The following PLCB1 variants were observed in gnomAD, a reference collection of about 807,000 sequenced individuals.
PLCB1 encodes phospholipase C beta 1.
In PLCB1, 46 loss-of-function variants were observed where a neutral mutation model predicts 161.8. The ratio of observed to expected loss-of-function variants is 0.28; its 90% CI spans 0.22 to 0.36. PLCB1 has a LOEUF of 0.36. Among genes scored for constraint, PLCB1 ranks in the 10% least tolerant of loss-of-function variants. The pLI, the probability that PLCB1 is intolerant of heterozygous loss-of-function variation, is 1.00. For missense variants in PLCB1, 1,016 were observed against 1,472.5 expected (o/e 0.69, Z 5.07); for synonymous variants, 517 against 503.7 (o/e 1.03, Z -0.35).
chr20:8,677,988 A>G (rs1273050200), intron 9 of PLCB1, among the ~76,000 whole-genome samples: 5 of 152,234 alleles, frequency 3.3e-5, no homozygotes, highest in Non-Finnish European at 1.5e-5. Context: ...TAATCAATCT[A>G]GATTGGAGCA....
intron 2 of PLCB1, among the ~76,000 whole-genome samples, chr20:8,336,688 C>T (rs6086410): frequency 0.28 from 42,448 of 151,900 alleles, 6,166 homozygotes; most frequent in South Asian, 0.4. Context: ...GAAATAGATT[C>T]CTGTCTTGGG....
intron 10 of PLCB1, among the ~76,000 whole-genome samples, chr20:8,695,956 T>G (rs1443888944): frequency 6.6e-6 from 1 of 152,222 alleles, no homozygotes; most frequent in African/African-American, 2.4e-5. Flanking sequence ...GCCTTCATTA[T>G]AACAATTCTC....
intron 23 of PLCB1, among the ~76,000 whole-genome samples, chr20:8,755,129 AG>A (rs2123558221): frequency 6.6e-6 from 1 of 152,254 alleles, no homozygotes; most frequent in South Asian, 2.1e-4. Context: ...TCCAGCATTG[AG>A]TAGGGTGTAG....
intron 4 of PLCB1, among the ~76,000 whole-genome samples, chr20:8,641,914 G>A (rs1273309498): frequency 1.3e-5 from 2 of 152,090 alleles, no homozygotes; most frequent in Non-Finnish European, 2.9e-5. Flanking sequence ...GCTGCAGTTT[G>A]TCCAGTTTTT....
At chr20:8,428,304 T>G (rs1335214410) in intron 3 of PLCB1, among the ~76,000 whole-genome samples, 1 of 151,936 alleles carries the variant, frequency 6.6e-6, no homozygotes, top group Non-Finnish European at 1.5e-5. Flanking sequence ...CACTGCAACC[T>G]CTGTCTCCCG....
chr20:8,762,166 C>T (rs572184706), intron 25 of PLCB1, among the ~76,000 whole-genome samples: 21 of 152,190 alleles, frequency 1.4e-4, no homozygotes, highest in East Asian at 5.9e-4. Context: ...GCCAAGGTTG[C>T]GCCATTGCAC....
At chr20:8,720,150 G>A (rs6086562) in intron 14 of PLCB1, among the ~76,000 whole-genome samples, 2 of 152,184 alleles carry the variant, frequency 1.3e-5, no homozygotes, top group African/African-American at 2.4e-5. Flanking sequence ...AACTCTATCC[G>A]TTGAATGATA....
At chr20:8,639,669 A>G (rs1203930446) in intron 4 of PLCB1, among the ~76,000 whole-genome samples, 2 of 152,174 alleles carry the variant, frequency 1.3e-5, no homozygotes, top group South Asian at 4.1e-4. Flanking sequence ...TCAGTTGAAC[A>G]TATTATTGGC....
chr20:8,185,023 T>C (rs2051888145), intron 2 of PLCB1, among the ~76,000 whole-genome samples: 1 of 151,938 alleles, frequency 6.6e-6, no homozygotes, highest in Non-Finnish European at 1.5e-5. Context: ...CCCCCACTTA[T>C]GAGTGAGAAC....
intron 2 of PLCB1, among the ~76,000 whole-genome samples, chr20:8,155,421 A>G (rs916907084): frequency 6.6e-6 from 1 of 152,214 alleles, no homozygotes; most frequent in Non-Finnish European, 1.5e-5. Context: ...AATGGCAACC[A>G]TAGATAGTCT....
chr20:8,198,972 G>A (rs1031729353), intron 2 of PLCB1, among the ~76,000 whole-genome samples: 3 of 149,344 alleles, frequency 2.0e-5, no homozygotes, highest in Non-Finnish European at 3.0e-5. Context: ...ACACACACAC[G>A]GACCCATTAC....
At chr20:8,647,287 T>C (rs912925312) in intron 5 of PLCB1, among the ~76,000 whole-genome samples, 1 of 152,236 alleles carries the variant, frequency 6.6e-6, no homozygotes, top group African/African-American at 2.4e-5. Context: ...AAATAACATG[T>C]TTTATCTGAA....
rs180827656 is a variant in PLCB1 at position 8,769,505 on chromosome 20, A to G, written c.2930+4147A>G. On this transcript the variant is annotated intron_variant, in intron 26 of 31. Transcript: ENST00000338037. ...ATAAATTACTCTTATCAGATAGCCTATTTTTCATATGTTGGCTAACCAATG... is the reference window on the plus strand; with the variant it reads ...ATAAATTACTCTTATCAGATAGCCTGTTTTTCATATGTTGGCTAACCAATG... Among the ~76,000 whole-genome samples, 416 of 152,242 alleles carry G rather than the reference A, an allele frequency of 2.7e-3. 1 individual carries two copies. Among genetic ancestry groups the G allele is most frequent in the Non-Finnish European group, 4.8e-3 (326 of 68,014 alleles).
intron 2 of PLCB1, among the ~76,000 whole-genome samples, chr20:8,236,891 C>T (rs1568600790): frequency 6.6e-6 from 1 of 151,914 alleles, no homozygotes. Context: ...TTAATTTCAG[C>T]AATAATCAAA....
intron 31 of PLCB1, among the ~76,000 whole-genome samples, chr20:8,841,296 A>G (rs1006612739): frequency 5.3e-5 from 8 of 152,216 alleles, no homozygotes; most frequent in African/African-American, 1.4e-4. Context: ...TGGCTATTAA[A>G]TCATTTTATG....
chr20:8,297,851 A>G (rs913866144), intron 2 of PLCB1, among the ~76,000 whole-genome samples: 3 of 148,588 alleles, frequency 2.0e-5, no homozygotes, highest in African/African-American at 5.0e-5. Flanking sequence ...AAACCTCAAC[A>G]TTCATTTGCT....
intron 1 of PLCB1, among the ~76,000 whole-genome samples, chr20:8,142,918 G>T (rs963758524): frequency 1.3e-5 from 2 of 152,042 alleles, no homozygotes; most frequent in African/African-American, 4.8e-5. Context: ...CATTATTCCA[G>T]CTGCCCTCCT....
intron 3 of PLCB1, among the ~76,000 whole-genome samples, chr20:8,601,894 C>G (rs1015759753): frequency 2.0e-5 from 3 of 152,202 alleles, no homozygotes; most frequent in African/African-American, 7.2e-5. Flanking sequence ...CAGGCTTGTT[C>G]TGGAAGTGTT....
intron 3 of PLCB1, among the ~76,000 whole-genome samples, chr20:8,525,636 T>A (rs1372013049): frequency 1.3e-5 from 2 of 152,190 alleles, no homozygotes. Context: ...TTAATTTTCT[T>A]GTTTTTACCA....
Sources: allele counts gnomAD v4.1 joint callset (sites outside exome capture counted in the v4.1 genomes callset), GRCh38; gene constraint gnomAD v4.1.1; transcripts MANE v1.5; gene names NCBI Gene and HGNC (gene_info 2026-07-23, HGNC 2026-07-21).